Variants in BEND6 observed in about 807,000 individuals in gnomAD.
The protein encoded by BEND6 is BEN domain-containing protein 6.
A neutral mutation model predicts 31.8 loss-of-function variants in BEND6; 24 were observed. The ratio of observed to expected loss-of-function variants is 0.75; its 90% CI spans 0.55 to 1.06. The LOEUF (loss-of-function observed/expected upper bound fraction) is 1.06. Among genes scored for constraint, BEND6 ranks in the 50% least tolerant of loss-of-function variants. The probability of loss-of-function intolerance (pLI) is 0.00; values close to 1 mark genes in which losing one functional copy is unlikely to be tolerated. For missense variants in BEND6, 294 were observed against 327.4 expected (o/e 0.90, Z 0.79); for synonymous variants, 109 against 114.6 (o/e 0.95, Z 0.31).
At chr6:56,976,763 C>G (rs148327277) in intron 1 of BEND6, among the ~76,000 whole-genome samples, 1 of 152,218 alleles carries the variant, frequency 6.6e-6, no homozygotes, top group East Asian at 1.9e-4. Flanking sequence ...TGGGGTTTCA[C>G]CATGTTGGCC....
At chr6:56,982,303 T>C (rs897022676) in intron 2 of BEND6, among the ~76,000 whole-genome samples, 1 of 152,196 alleles carries the variant, frequency 6.6e-6, no homozygotes, top group Non-Finnish European at 1.5e-5. Flanking sequence ...CTTTCCTTAA[T>C]AGTCTGAGAA....
intron 1 of BEND6, among the ~76,000 whole-genome samples, chr6:56,957,337 CTAA>C (rs1825123300): frequency 1.3e-5 from 2 of 152,130 alleles, no homozygotes; most frequent in African/African-American, 2.4e-5. Flanking sequence ...CTTAAAGATA[CTAA>C]TAATAAACAA....
At chr6:56,969,473 G>A (rs781595872) in intron 1 of BEND6, among the ~76,000 whole-genome samples, 1 of 152,114 alleles carries the variant, frequency 6.6e-6, no homozygotes, top group South Asian at 2.1e-4. Context: ...TATTTAGAGG[G>A]GAGTCTTCAG....
At chr6:57,005,258 G>GA (rs1173139279) in intron 3 of BEND6, among the ~76,000 whole-genome samples, 3 of 151,864 alleles carry the variant, frequency 2.0e-5, no homozygotes, top group Admixed American at 6.6e-5. Flanking sequence ...ATTCCTGAAA[G>GA]AAAAAAATTC....
chr6:56,977,168 A>G (rs1043683384), intron 1 of BEND6, among the ~76,000 whole-genome samples: 2 of 152,252 alleles, frequency 1.3e-5, no homozygotes, highest in African/African-American at 4.8e-5. Context: ...GCAGTAGTTT[A>G]CAACTATTAG....
At chr6:56,988,980 G>A (rs892948024) in intron 2 of BEND6, among the ~76,000 whole-genome samples, 9 of 152,114 alleles carry the variant, frequency 5.9e-5, no homozygotes, top group African/African-American at 9.7e-5. Context: ...GCAGTGAGCC[G>A]AGATCGTGCC....
At chr6:56,992,301 ACATGCAATGGTTAAC>A in intron 2 of BEND6, 62 bp from the exon 3 acceptor site, 2 of 1,439,450 alleles carry the variant, frequency 1.4e-6, no homozygotes, top group Non-Finnish European at 1.9e-6. Context: ...AGTCCCAACA[ACATGCAATGGTTAAC>A]CAGAGATAAA....
At chr6:56,968,926 T>A (rs1825588605) in intron 1 of BEND6, among the ~76,000 whole-genome samples, 2 of 151,784 alleles carry the variant, frequency 1.3e-5, no homozygotes, top group Admixed American at 6.6e-5. Context: ...ATAAAAAAAA[T>A]TAGCCAGCCG....
intron 6 of BEND6, among the ~76,000 whole-genome samples, chr6:57,020,701 C>A (rs1021786425): frequency 2.0e-5 from 3 of 152,072 alleles, no homozygotes; most frequent in Non-Finnish European, 4.4e-5. Flanking sequence ...GGATTACAGG[C>A]GTGAGCCACC....
intron 3 of BEND6, among the ~76,000 whole-genome samples, chr6:57,000,519 A>T (rs1304538492): frequency 6.6e-6 from 1 of 151,836 alleles, no homozygotes; most frequent in African/African-American, 2.4e-5. Context: ...CTATTATCCT[A>T]TGACCCTGCC....
At chr6:57,023,718 A>G (rs756433152) in intron 6 of BEND6, among the ~76,000 whole-genome samples, 1 of 152,174 alleles carries the variant, frequency 6.6e-6, no homozygotes, top group Non-Finnish European at 1.5e-5. Context: ...CGATCTTCCT[A>G]CCACAGCCTT....
chr6:56,977,513 T>G (rs1012671046), intron 1 of BEND6, among the ~76,000 whole-genome samples: 1 of 152,242 alleles, frequency 6.6e-6, no homozygotes, highest in Non-Finnish European at 1.5e-5. Context: ...TTACGGGACT[T>G]ATGAAAATGT....
intron 1 of BEND6, among the ~76,000 whole-genome samples, chr6:56,959,090 G>A (rs1334726639): frequency 1.3e-5 from 2 of 152,180 alleles, no homozygotes; most frequent in African/African-American, 4.8e-5. Context: ...GCCAGAAGAG[G>A]GAGAGAAATA....
chr6:56,960,905 A>G (rs530032030), intron 1 of BEND6, among the ~76,000 whole-genome samples: 66 of 152,358 alleles, frequency 4.3e-4, no homozygotes, highest in African/African-American at 1.5e-3. Context: ...ACAAACAGCA[A>G]ACACACAAAT....
intron 3 of BEND6, among the ~76,000 whole-genome samples, chr6:57,001,320 T>G (rs552878408): frequency 4.5e-4 from 69 of 152,126 alleles, no homozygotes; most frequent in Non-Finnish European, 7.6e-4. Flanking sequence ...TGCACCACAA[T>G]GCCTGGCCAA....
At chr6:56,975,314 G>T (rs2127847524) in intron 1 of BEND6, among the ~76,000 whole-genome samples, 1 of 152,114 alleles carries the variant, frequency 6.6e-6, no homozygotes, top group African/African-American at 2.4e-5. Flanking sequence ...TGTAGATATG[G>T]AGTATATTTT....
At chr6:57,000,061 C>T (rs1387563028) in intron 3 of BEND6, among the ~76,000 whole-genome samples, 6 of 152,026 alleles carry the variant, frequency 3.9e-5, no homozygotes, top group Admixed American at 6.6e-5. Context: ...CCGGCCGCCC[C>T]GTCTGGGAGG....
chr6:57,018,370 G>T (rs145178551), intron 5 of BEND6, 51 bp from the exon 6 acceptor site: 1 of 1,540,344 alleles, frequency 6.5e-7, no homozygotes, highest in Non-Finnish European at 8.7e-7. Flanking sequence ...CATACCCTAA[G>T]ATGCAAAGCA....
In BEND6 at chr6:56,970,850, G is replaced by A. The variant is rs370329721; in HGVS notation, c.-100-10861G>A. Among the ~76,000 whole-genome samples the A allele has an allele frequency of 1.2e-3, 188 of 152,210 alleles. 1 individual carries two copies. Among genetic ancestry groups the A allele is most frequent in the Non-Finnish European group, 2.3e-3 (159 of 68,012 alleles). On this transcript the variant is annotated intron_variant, in intron 1 of 6. Coordinates refer to ENST00000370746, the MANE Select transcript of BEND6 (RefSeq NM_152731.3). ...TGTTTGTGAAGAAACTTGAGGATTTGCTCTTTAACCAAATCATATCTGCAG... is the reference window on the plus strand; with the variant it reads ...TGTTTGTGAAGAAACTTGAGGATTTACTCTTTAACCAAATCATATCTGCAG...
Sources: gnomAD v4.1 joint callset for allele counts (sites outside exome capture counted in the v4.1 genomes callset) on GRCh38, gnomAD v4.1.1 for gene constraint, MANE v1.5 for transcripts, NCBI Gene and HGNC (gene_info 2026-07-23, HGNC 2026-07-21) for gene names.